The following AGBL4 variants were observed in gnomAD, a reference collection of about 807,000 sequenced individuals.
AGBL4 encodes the protein cytosolic carboxypeptidase 6.
A neutral mutation model predicts 66.4 loss-of-function variants in AGBL4; 58 were observed. The ratio of observed to expected loss-of-function variants is 0.87; its 90% CI spans 0.71 to 1.09. The LOEUF is 1.09. Among genes scored for constraint, AGBL4 ranks in the 50% least tolerant of loss-of-function variants. The pLI is 0.00. For synonymous variants in AGBL4, 234 were observed against 222.9 expected (o/e 1.05, Z -0.44); for missense variants, 579 against 631.0 (o/e 0.92, Z 0.88).
intron 4 of AGBL4, among the ~76,000 whole-genome samples, chr1:49,134,607 T>C (rs966462025): frequency 2.0e-5 from 3 of 151,866 alleles, no homozygotes; most frequent in African/African-American, 7.3e-5. Context: ...GGCTCTGTCC[T>C]GCCTGGCTCC....
intron 5 of AGBL4, among the ~76,000 whole-genome samples, chr1:48,976,556 G>C (rs1225078548): frequency 6.6e-6 from 1 of 152,126 alleles, no homozygotes; most frequent in African/African-American, 2.4e-5. Context: ...TATATTAATA[G>C]AATGTCTTAT....
At chr1:49,044,864 A>G (rs1030335169) in intron 5 of AGBL4, among the ~76,000 whole-genome samples, 2 of 152,216 alleles carry the variant, frequency 1.3e-5, no homozygotes, top group East Asian at 3.9e-4. Flanking sequence ...AAAGCCTCCA[A>G]AAGAAATGCA....
chr1:49,008,125 G>C (rs1260051679), intron 5 of AGBL4, among the ~76,000 whole-genome samples: 1 of 151,976 alleles, frequency 6.6e-6, no homozygotes, highest in Non-Finnish European at 1.5e-5. Context: ...CTGTATTCAG[G>C]AAACCCATCT....
chr1:48,802,217 C>G (rs1024528173), intron 6 of AGBL4, among the ~76,000 whole-genome samples: 4 of 152,182 alleles, frequency 2.6e-5, no homozygotes, highest in Non-Finnish European at 4.4e-5. Flanking sequence ...TATGTTGAAG[C>G]TGTGCCCATT....
At chr1:49,783,169 T>C (rs1260855302) in intron 2 of AGBL4, among the ~76,000 whole-genome samples, 1 of 152,186 alleles carries the variant, frequency 6.6e-6, no homozygotes, top group Non-Finnish European at 1.5e-5. Context: ...TGGTATTTTA[T>C]TATAGCAGCC....
intron 1 of AGBL4, among the ~76,000 whole-genome samples, chr1:49,918,749 A>C (rs1371020797): frequency 1.3e-5 from 2 of 152,216 alleles, no homozygotes; most frequent in Non-Finnish European, 2.9e-5. Context: ...GGCCAACATC[A>C]TCCTGATACC....
At chr1:49,913,201 C>A (rs1337062107) in intron 1 of AGBL4, among the ~76,000 whole-genome samples, 2 of 152,204 alleles carry the variant, frequency 1.3e-5, no homozygotes, top group African/African-American at 4.8e-5. Flanking sequence ...AGGCATGATT[C>A]TTCCTGAGGC....
intron 5 of AGBL4, among the ~76,000 whole-genome samples, chr1:49,032,027 T>G (rs1358803408): frequency 6.6e-6 from 1 of 152,106 alleles, no homozygotes; most frequent in East Asian, 1.9e-4. Flanking sequence ...TAGGAAGTAA[T>G]TAGGCAAATG....
At chr1:49,063,337 C>T (rs1356749836) in intron 4 of AGBL4, among the ~76,000 whole-genome samples, 2 of 152,054 alleles carry the variant, frequency 1.3e-5, no homozygotes, top group Admixed American at 6.6e-5. Context: ...ACACGTAAAA[C>T]CAAATAAACA....
Position 49,570,423 on chromosome 1 carries a change from T to C in AGBL4, c.282+126890A>G, listed in dbSNP as rs139415461. 3.8e-3 allele frequency among the ~76,000 whole-genome samples: 582 copies of C among 152,272 alleles called. 2 individuals carry two copies. Among genetic ancestry groups the C allele is most frequent in the Non-Finnish European group, 5.2e-3 (352 of 67,980 alleles). On this transcript the variant is annotated intron_variant, in intron 3 of 13. Coordinates refer to ENST00000371839, the MANE Select transcript of AGBL4 (RefSeq NM_032785.4). ...CATTAAAAATATGTCCTTTGCCCAC[T>C]TTTTAATTGGATCATTTGGGAGTTT...
chr1:49,752,042 T>C (rs1363158050), intron 2 of AGBL4, among the ~76,000 whole-genome samples: 2 of 152,058 alleles, frequency 1.3e-5, no homozygotes, highest in African/African-American at 4.8e-5. Context: ...GATTCACTGA[T>C]TTTTTGAAGG....
At chr1:49,989,414 T>C (rs1253089019) in intron 1 of AGBL4, among the ~76,000 whole-genome samples, 4 of 152,174 alleles carry the variant, frequency 2.6e-5, no homozygotes, top group Non-Finnish European at 5.9e-5. Flanking sequence ...AGCAGAGACA[T>C]GGTACATAGA....
At chr1:49,946,088 T>C (rs1370303254) in intron 1 of AGBL4, among the ~76,000 whole-genome samples, 5 of 151,034 alleles carry the variant, frequency 3.3e-5, no homozygotes, top group South Asian at 4.2e-4. Flanking sequence ...AGAAATGAGA[T>C]AGACAGCAAC....
chr1:49,381,077 A>C (rs891420003), intron 3 of AGBL4, among the ~76,000 whole-genome samples: 3 of 152,184 alleles, frequency 2.0e-5, no homozygotes, highest in Non-Finnish European at 2.9e-5. Context: ...CATGGGAGAA[A>C]ATTTTCGCAA....
At chr1:49,863,683 G>A (rs2148091718) in intron 1 of AGBL4, among the ~76,000 whole-genome samples, 1 of 152,304 alleles carries the variant, frequency 6.6e-6, no homozygotes, top group Admixed American at 6.5e-5. Context: ...ATGAAAAGGT[G>A]TTCAACATCA....
intron 2 of AGBL4, among the ~76,000 whole-genome samples, chr1:49,781,542 A>G (rs888913724): frequency 1.3e-5 from 2 of 152,144 alleles, no homozygotes; most frequent in Admixed American, 1.3e-4. Flanking sequence ...CAATTCAACA[A>G]TCATATTTAG....
chr1:48,907,874 A>G (rs186680503), intron 5 of AGBL4, among the ~76,000 whole-genome samples: 1 of 152,280 alleles, frequency 6.6e-6, no homozygotes, highest in Non-Finnish European at 1.5e-5. Flanking sequence ...AAACAGTGCC[A>G]TATCTTGGAG....
At chr1:49,742,783 C>G (rs947284422) in intron 2 of AGBL4, among the ~76,000 whole-genome samples, 4 of 152,074 alleles carry the variant, frequency 2.6e-5, no homozygotes, top group African/African-American at 9.6e-5. Context: ...ACAAACCTGA[C>G]AAAAACAAGA....
intron 3 of AGBL4, among the ~76,000 whole-genome samples, chr1:49,372,627 CTT>C (rs1229258624): frequency 3.5e-5 from 4 of 113,664 alleles, no homozygotes; most frequent in African/African-American, 8.1e-5. Context: ...TTCTTTCTTT[CTT>C]TCTTTCTTTC....
Sources: gnomAD v4.1 joint callset for allele counts (sites outside exome capture counted in the v4.1 genomes callset) on GRCh38, gnomAD v4.1.1 for gene constraint, MANE v1.5 for transcripts, NCBI Gene and HGNC (gene_info 2026-07-23, HGNC 2026-07-21) for gene names.